The following CLVS1 variants were observed in gnomAD, a reference collection of about 807,000 sequenced individuals.
CLVS1 encodes the protein clavesin-1.
In CLVS1, 10 loss-of-function variants were observed where a neutral mutation model predicts 33.1. The observed-to-expected ratio is 0.30, with a 90% CI of 0.19 to 0.51. The LOEUF is 0.51. Among genes scored for constraint, CLVS1 ranks in the 20% least tolerant of loss-of-function variants. The pLI, the probability that CLVS1 is intolerant of heterozygous loss-of-function variation, is 0.97. For synonymous variants in CLVS1, 163 were observed against 166.1 expected (o/e 0.98, Z 0.14); for missense variants, 343 against 433.4 (o/e 0.79, Z 1.85).
chr8:61,378,146 A>AT (rs1364945879), intron 3 of CLVS1: 1 of 152,224 alleles, frequency 6.6e-6, no homozygotes, highest in African/African-American at 2.4e-5. Context: ...TGCTGACCAT[A>AT]TCTCTAGGAA....
chr8:61,488,579 C>T (rs1205857133), intron 5 of CLVS1, among the ~76,000 whole-genome samples: 1 of 152,088 alleles, frequency 6.6e-6, no homozygotes, highest in African/African-American at 2.4e-5. Flanking sequence ...AAATATGATA[C>T]TCTAGGAAGT....
intron 2 of CLVS1, among the ~76,000 whole-genome samples, chr8:61,367,154 G>A (rs559477113): frequency 1.3e-5 from 2 of 151,932 alleles, no homozygotes. Flanking sequence ...GGAGCTGCTC[G>A]ACTCCAGTCC....
chr8:61,202,955 C>G, intron 2 of CLVS1: 1 of 1,442,558 alleles, frequency 6.9e-7, no homozygotes, highest in Non-Finnish European at 9.6e-7. Context: ...GCCAAAAATG[C>G]ACAAAAGTCA....
intron 2 of CLVS1, among the ~76,000 whole-genome samples, chr8:61,192,867 ACAG>A (rs148203444): frequency 0.51 from 77,794 of 151,304 alleles, 20,604 homozygotes; most frequent in Middle Eastern, 0.69. Flanking sequence ...AAGTCAGGAA[ACAG>A]CAGGTGCTGG....
At chr8:61,406,281 C>G (rs183022792) in intron 3 of CLVS1, among the ~76,000 whole-genome samples, 2 of 152,272 alleles carry the variant, frequency 1.3e-5, no homozygotes, top group African/African-American at 2.4e-5. Flanking sequence ...CACGTAAACT[C>G]CAAACCATTC....
intron 3 of CLVS1, among the ~76,000 whole-genome samples, chr8:61,379,907 G>A (rs909795282): frequency 2.6e-5 from 4 of 152,158 alleles, no homozygotes; most frequent in African/African-American, 4.8e-5. Flanking sequence ...CTAGGAAAAG[G>A]TAGTAAACTT....
chr8:61,423,246 C>A (rs1231082928), intron 3 of CLVS1, among the ~76,000 whole-genome samples: 1 of 152,156 alleles, frequency 6.6e-6, no homozygotes, highest in African/African-American at 2.4e-5. Context: ...TTTAGTGCCT[C>A]ATGTAATCCT....
chr8:61,232,179 C>G (rs1353002462), intron 2 of CLVS1, among the ~76,000 whole-genome samples: 2 of 151,540 alleles, frequency 1.3e-5, no homozygotes, highest in Non-Finnish European at 2.9e-5. Flanking sequence ...GGACTACAGG[C>G]ACCTGCAACC....
chr8:61,341,427 T>C (rs911166926), intron 2 of CLVS1, among the ~76,000 whole-genome samples: 1 of 152,234 alleles, frequency 6.6e-6, no homozygotes, highest in Admixed American at 6.5e-5. Context: ...CACAGCTGGC[T>C]GTTCTTTCTC....
intron 2 of CLVS1, among the ~76,000 whole-genome samples, chr8:61,340,067 G>A (rs867571323): frequency 1.5e-4 from 22 of 146,988 alleles, no homozygotes; most frequent in African/African-American, 4.9e-4. Flanking sequence ...GAAAAAGAAA[G>A]AAAGAAAAAG....
At chr8:61,284,202 C>T (rs549075888), upstream of CLVS1, among the ~76,000 whole-genome samples, 11 of 152,148 alleles carry the variant, frequency 7.2e-5, no homozygotes, top group East Asian at 2.1e-3. Flanking sequence ...ATAGTGGTTA[C>T]CACAGGATGG....
At chr8:61,133,325 G>A (rs949504165) in intron 2 of CLVS1, among the ~76,000 whole-genome samples, 2 of 152,196 alleles carry the variant, frequency 1.3e-5, no homozygotes, top group African/African-American at 4.8e-5. Flanking sequence ...AATCTCCCCA[G>A]GAGATATGAT....
At chr8:61,267,488 A>G (rs2063866339) in intron 2 of CLVS1, among the ~76,000 whole-genome samples, 1 of 152,192 alleles carries the variant, frequency 6.6e-6, no homozygotes, top group Admixed American at 6.5e-5. Context: ...GTTTTATATC[A>G]GTCACATTTA....
intron 3 of CLVS1, among the ~76,000 whole-genome samples, chr8:61,402,398 A>T (rs1158138622): frequency 2.0e-5 from 3 of 152,118 alleles, no homozygotes; most frequent in Admixed American, 6.6e-5. Context: ...ACAATCCCCA[A>T]TACCAGTTAT....
At chr8:61,370,993 C>T (rs1813417538) in intron 2 of CLVS1, among the ~76,000 whole-genome samples, 1 of 152,140 alleles carries the variant, frequency 6.6e-6, no homozygotes, top group African/African-American at 2.4e-5. Context: ...ATAATGACTT[C>T]TTTTCCTCTG....
At chr8:60,985,942 C>T in the CLVS1 span, among the ~76,000 whole-genome samples, 3 of 152,064 alleles carry the variant, frequency 2.0e-5, no homozygotes, top group African/African-American at 4.8e-5. Context: ...ATTGAACTGT[C>T]GACACAGGAC....
Position 61,454,181 on chromosome 8 carries a change from A to G in CLVS1, c.671A>G (p.Asn224Ser), listed in dbSNP as rs370060121. 10 of 1,613,966 alleles carry G rather than the reference A, an allele frequency of 6.2e-6. No individual in the cohort carries two copies. The highest frequency in any genetic ancestry group is 2.2e-5 in the East Asian group (1 of 44,894). The change falls in exon 4 of 6, where the codon AAC becomes AGC. Residue 224 changes from asparagine (N) to serine (S), a missense_variant. Around this residue, in one of 4 missense-constraint regions of CLVS1, gnomAD observed 166 missense variants for 244.0 expected, o/e 0.68. Transcript: ENST00000325897. ...CGCTTTGGAGGAGTCCACTTTGTCAACCAGCCCTGGTACATTCATGCCCTC... is the reference window on the plus strand; with the variant it reads ...CGCTTTGGAGGAGTCCACTTTGTCAGCCAGCCCTGGTACATTCATGCCCTC... ...PARFGGVHFV[N>S]QPWYIHALYT...
chr8:61,167,108 C>T (rs1806884883), intron 2 of CLVS1, among the ~76,000 whole-genome samples: 2 of 151,532 alleles, frequency 1.3e-5, no homozygotes, highest in Admixed American at 6.6e-5. Flanking sequence ...TCTTCTCAAT[C>T]TGGTTCCCCT....
At chr8:61,090,653 C>T (rs1805226845) in intron 1 of CLVS1, among the ~76,000 whole-genome samples, 1 of 152,166 alleles carries the variant, frequency 6.6e-6, no homozygotes, top group African/African-American at 2.4e-5. Context: ...ACCAGAGACT[C>T]CTTTTTTCTT....
Sources: allele counts gnomAD v4.1 joint callset (sites outside exome capture counted in the v4.1 genomes callset), GRCh38; gene constraint gnomAD v4.1.1; regional missense constraint gnomAD v4.1.1; transcripts MANE v1.5; gene names NCBI Gene and HGNC (gene_info 2026-07-23, HGNC 2026-07-21).